CACNA2D1: variants seen among roughly 807,000 people sequenced by gnomAD.
CACNA2D1 encodes the protein voltage-dependent calcium channel subunit alpha-2/delta-1.
CACNA2D1 carries 53 observed loss-of-function variants against 171.5 expected under a neutral mutation model. The observed-to-expected ratio is 0.31, with a 90% CI of 0.25 to 0.39. The LOEUF (loss-of-function observed/expected upper bound fraction) is 0.39, where lower values mean the gene tolerates loss of function less well. Ranked by LOEUF, CACNA2D1 falls within the 10% of genes least tolerant of loss-of-function variation. The pLI is 1.00. For missense variants in CACNA2D1, 903 were observed against 1,299.8 expected, an observed-to-expected ratio of 0.69 and a Z score of 4.69; for synonymous variants, 442 against 443.1, an observed-to-expected ratio of 1.00 and a Z score of 0.03.
intron 3 of CACNA2D1, among the ~76,000 whole-genome samples, chr7:82,232,583 T>C (rs916695794): frequency 2.0e-5 from 3 of 152,026 alleles, no homozygotes; most frequent in South Asian, 2.1e-4. Context: ...AAGACTTGGT[T>C]GGCCGGGTGC....
At chr7:82,438,477 C>T (rs1455109018) in intron 1 of CACNA2D1, among the ~76,000 whole-genome samples, 1 of 152,186 alleles carries the variant, frequency 6.6e-6, no homozygotes, top group East Asian at 1.9e-4. Context: ...TCACAAAGTG[C>T]TGCCACTTTT....
Position 82,333,888 on chromosome 7 carries a change from T to C in CACNA2D1, c.294+1247A>G, listed in dbSNP as rs566816754. On this transcript the variant is annotated intron_variant, in intron 3 of 38. Transcript: ENST00000356860. ...ATCATGGAGAATGAAATAAATTATG[T>C]GTATAACCTCAGGTTAGCCAAGGTT... Among the ~76,000 whole-genome samples the C allele has an allele frequency of 5.1e-4, 77 of 152,274 alleles. No individual in the cohort carries two copies. In the South Asian group the frequency reaches 0.016, roughly 31 times the overall value.
In CACNA2D1 at chr7:82,201,752, A is replaced by G. The variant is rs571719327; in HGVS notation, c.295-31143T>C. On this transcript the variant is annotated intron_variant, in intron 3 of 38. Transcript: ENST00000356860. ...GATTCTAGCAGGAATACAAAAGGCT[A>G]ACCCCTAACCATCACTGATGTGAGA... Among the ~76,000 whole-genome samples, 5 of 152,332 alleles carry G rather than the reference A, an allele frequency of 3.3e-5. No homozygotes were observed. In the South Asian group the frequency reaches 8.3e-4, roughly 25 times the overall value.
At chr7:82,072,077 G>A (rs1475561584) in intron 7 of CACNA2D1, among the ~76,000 whole-genome samples, 1 of 152,030 alleles carries the variant, frequency 6.6e-6, no homozygotes, top group African/African-American at 2.4e-5. Flanking sequence ...TGTTTCCTTT[G>A]TTATATATTA....
intron 3 of CACNA2D1, among the ~76,000 whole-genome samples, chr7:82,220,084 T>G (rs192607689): frequency 6.6e-6 from 1 of 152,228 alleles, no homozygotes; most frequent in Admixed American, 6.5e-5. Flanking sequence ...AAATTAGAAA[T>G]AGTGATACTT....
intron 12 of CACNA2D1, among the ~76,000 whole-genome samples, chr7:82,024,902 G>A (rs980462725): frequency 1.3e-5 from 2 of 151,462 alleles, no homozygotes; most frequent in African/African-American, 4.8e-5. Flanking sequence ...TGCACAATGG[G>A]GAAACCATTA....
At chr7:82,228,292 A>G (rs1802561594) in intron 3 of CACNA2D1, among the ~76,000 whole-genome samples, 1 of 152,144 alleles carries the variant, frequency 6.6e-6, no homozygotes. Context: ...CAACCCATAA[A>G]CTTGGAAGAG....
At chr7:82,183,062 C>T (rs1288787529) in intron 3 of CACNA2D1, among the ~76,000 whole-genome samples, 1 of 150,696 alleles carries the variant, frequency 6.6e-6, no homozygotes, top group Non-Finnish European at 1.5e-5. Flanking sequence ...AAGTGAGGCG[C>T]AGGAAGGGTA....
chr7:82,090,395 T>C (rs116807522), intron 6 of CACNA2D1, among the ~76,000 whole-genome samples: 3,346 of 152,216 alleles, frequency 0.022, 124 homozygotes, highest in African/African-American at 0.076. Flanking sequence ...GACTAGATAC[T>C]AAAAATTATT....
intron 1 of CACNA2D1, among the ~76,000 whole-genome samples, chr7:82,406,749 T>C (rs891400407): frequency 6.6e-5 from 10 of 152,224 alleles, no homozygotes; most frequent in Non-Finnish European, 1.2e-4. Flanking sequence ...TGATTTTTTC[T>C]TGTCAGTTTT....
intron 1 of CACNA2D1, among the ~76,000 whole-genome samples, chr7:82,372,457 GA>G (rs1822517593): frequency 6.6e-6 from 1 of 151,970 alleles, no homozygotes; most frequent in Non-Finnish European, 1.5e-5. Context: ...CAATCCTCTG[GA>G]AATAAGTATG....
intron 1 of CACNA2D1, among the ~76,000 whole-genome samples, chr7:82,398,283 ACTTTACTACTCCCTATAATTTAACAGT>A (rs1825953112): frequency 6.6e-6 from 1 of 152,350 alleles, no homozygotes; most frequent in Admixed American, 6.5e-5. Context: ...CAAATCAACA[ACTTTACTACTCCCTATAATTTAACAGT>A]CTTTGCCACA....
At chr7:82,439,618 C>A (rs1830351370) in intron 1 of CACNA2D1, among the ~76,000 whole-genome samples, 1 of 151,140 alleles carries the variant, frequency 6.6e-6, no homozygotes, top group African/African-American at 2.4e-5. Context: ...AAATTATATC[C>A]ATTTCAGTCT....
At chr7:82,006,982 T>G (rs1007176890) in intron 16 of CACNA2D1, among the ~76,000 whole-genome samples, 1 of 152,132 alleles carries the variant, frequency 6.6e-6, no homozygotes, top group Non-Finnish European at 1.5e-5. Context: ...TAAAAAAGTC[T>G]TAACTTCAAA....
At chr7:82,050,608 A>C in intron 10 of CACNA2D1, 2 of 702,874 alleles carry the variant, frequency 2.8e-6, no homozygotes, top group Non-Finnish European at 5.2e-6. Flanking sequence ...CTTCGGGAGA[A>C]GGAGAAATCT....
At chr7:82,249,726 C>T (rs1805396564) in intron 3 of CACNA2D1, among the ~76,000 whole-genome samples, 1 of 152,160 alleles carries the variant, frequency 6.6e-6, no homozygotes, top group Non-Finnish European at 1.5e-5. Context: ...TCTCTATAAT[C>T]ATGCACGCAT....
At chr7:82,432,373 C>CCAAT (rs1829759299) in intron 1 of CACNA2D1, among the ~76,000 whole-genome samples, 2 of 152,368 alleles carry the variant, frequency 1.3e-5, no homozygotes, top group South Asian at 4.1e-4. Flanking sequence ...GCAATCCTAA[C>CCAAT]CATTCATTCA....
chr7:82,394,602 G>A (rs760631950), intron 1 of CACNA2D1, among the ~76,000 whole-genome samples: 2 of 152,074 alleles, frequency 1.3e-5, no homozygotes, highest in Non-Finnish European at 2.9e-5. Flanking sequence ...TTCCTGAAGC[G>A]GCAATAAGCA....
intron 18 of CACNA2D1, among the ~76,000 whole-genome samples, chr7:81,999,470 C>T (rs955851317): frequency 5.3e-5 from 8 of 151,818 alleles, no homozygotes; most frequent in African/African-American, 7.3e-5. Flanking sequence ...TTTGTGGAAA[C>T]GAAAGAATGA....
Sources: gnomAD v4.1 joint callset for allele counts (sites outside exome capture counted in the v4.1 genomes callset) on GRCh38, gnomAD v4.1.1 for gene constraint, MANE v1.5 for transcripts, NCBI Gene and HGNC (gene_info 2026-07-23, HGNC 2026-07-21) for gene names.